RBBP8: variants seen among roughly 807,000 people sequenced by gnomAD.
RBBP8 encodes RB binding protein 8, endonuclease.
A neutral mutation model predicts 108.3 loss-of-function variants in RBBP8; 88 were observed. That is an observed-to-expected ratio of 0.81 (90% CI 0.68 to 0.97). The LOEUF is 0.97. Ranked by LOEUF, RBBP8 falls within the 50% of genes least tolerant of loss-of-function variation. The pLI is 0.00. For missense variants in RBBP8, 1,023 were observed against 1,049.0 expected (o/e 0.98, Z 0.34); for synonymous variants, 332 against 348.2 (o/e 0.95, Z 0.52).
intron 2 of RBBP8, among the ~76,000 whole-genome samples, chr18:22,940,802 G>A (rs980329453): frequency 1.5e-4 from 23 of 151,292 alleles, no homozygotes; most frequent in Admixed American, 1.2e-3. Flanking sequence ...ATGCACCACC[G>A]AACCTGGCTA....
intron 18 of RBBP8, among the ~76,000 whole-genome samples, chr18:23,022,602 A>AAAAATAAAATAAAATAAAATAAT (rs2046364529): frequency 2.2e-5 from 2 of 92,380 alleles, no homozygotes; most frequent in African/African-American, 9.0e-5. Flanking sequence ...ACTCTGTCTC[A>AAAAATAAAATAAAATAAAATAAT]AAAATAAAAT....
At chr18:22,955,579 C>CT (rs746128314) in intron 4 of RBBP8, among the ~76,000 whole-genome samples, 34,574 of 140,162 alleles carry the variant, frequency 0.25, 4,475 homozygotes, top group East Asian at 0.44. Flanking sequence ...AGGTTTATAT[C>CT]TTTTTTTTTT....
chr18:23,022,641 T>TAAAATAAATAAAATAAAATAAAA (rs1568010219), intron 18 of RBBP8, among the ~76,000 whole-genome samples: 1 of 46,218 alleles, frequency 2.2e-5, no homozygotes, highest in Admixed American at 1.9e-4. Flanking sequence ...ATAAAATAAA[T>TAAAATAAATAAAATAAAATAAAA]AAAATACAAT....
intron 4 of RBBP8, among the ~76,000 whole-genome samples, chr18:22,953,610 C>G (rs1446676499): frequency 6.6e-6 from 1 of 152,072 alleles, no homozygotes; most frequent in Non-Finnish European, 1.5e-5. Flanking sequence ...GTTCTGGTAA[C>G]CTTTGCAGTC....
chr18:22,992,554 A>G (rs1013612859), intron 10 of RBBP8, among the ~76,000 whole-genome samples, 194 bp from the exon 11 acceptor site: 7 of 152,224 alleles, frequency 4.6e-5, no homozygotes, highest in Non-Finnish European at 1.0e-4. Context: ...TTTTTAAAAT[A>G]TGAATATTAT....
At chr18:22,929,552 A>ATG (rs1555630950), upstream of RBBP8, 1 of 98,270 alleles carries the variant, frequency 1.0e-5, no homozygotes, top group East Asian at 3.2e-4. Context: ...GTGTGTGTGT[A>ATG]TGTGTGTGTG....
At chr18:22,939,384 T>C (rs1168782746) in intron 2 of RBBP8, among the ~76,000 whole-genome samples, 1 of 152,132 alleles carries the variant, frequency 6.6e-6, no homozygotes, top group Non-Finnish European at 1.5e-5. Context: ...TGCGCACCTG[T>C]AATCCCCGCT....
chr18:22,952,621 C>T (rs1213972363), intron 4 of RBBP8, among the ~76,000 whole-genome samples: 1 of 152,102 alleles, frequency 6.6e-6, no homozygotes. Flanking sequence ...ATAACACAGC[C>T]ATGTCTAGGC....
At chr18:22,984,851 T>G in intron 7 of RBBP8, 35 bp from the exon 8 acceptor site, 1 of 1,216,174 alleles carries the variant, frequency 8.2e-7, no homozygotes, top group Non-Finnish European at 1.2e-6. Flanking sequence ...TCATCATTGT[T>G]TATTGTGTAA....
At chr18:22,940,839 C>T (rs530532883) in intron 2 of RBBP8, among the ~76,000 whole-genome samples, 1 of 151,754 alleles carries the variant, frequency 6.6e-6, no homozygotes, top group South Asian at 2.1e-4. Flanking sequence ...AGACAGGGAT[C>T]TCATTTTGTT....
chr18:23,011,585 C>T (rs1259693903), intron 16 of RBBP8, among the ~76,000 whole-genome samples: 1 of 151,772 alleles, frequency 6.6e-6, no homozygotes, highest in Non-Finnish European at 1.5e-5. Flanking sequence ...TACAAGTGCC[C>T]GCCACCACGC....
At position 22,989,213 on chromosome 18, in the gene RBBP8, A is replaced by G; in HGVS notation, c.710-8A>G. On this transcript the variant is annotated splice_region_variant and splice_polypyrimidine_tract_variant and intron_variant, in intron 8 of 18. Coordinates refer to ENST00000327155, the MANE Select transcript of RBBP8 (RefSeq NM_002894.3). ...TATTTATTAAAATGGTTTATTATTT[A>G]TTCTTAGAAGCACATGGAACAAGCA... 6.3e-7 allele frequency: 1 copy of G among 1,579,590 alleles called. No homozygotes were observed. Among genetic ancestry groups the G allele is most frequent in the Non-Finnish European group, 8.7e-7 (1 of 1,150,034 alleles).
intron 12 of RBBP8, among the ~76,000 whole-genome samples, chr18:22,994,922 C>T (rs1044921085): frequency 6.6e-5 from 10 of 151,910 alleles, no homozygotes; most frequent in Admixed American, 5.3e-4. Context: ...GACTGGGTTT[C>T]GCCTTGTTGC....
intron 3 of RBBP8, among the ~76,000 whole-genome samples, chr18:22,948,163 A>C (rs1438268566): frequency 6.6e-6 from 1 of 152,066 alleles, no homozygotes; most frequent in Non-Finnish European, 1.5e-5. Flanking sequence ...AATGTGTGTA[A>C]ATTTTCAATG....
intron 4 of RBBP8, among the ~76,000 whole-genome samples, chr18:22,952,755 T>C (rs1912150509): frequency 1.3e-5 from 2 of 152,164 alleles, no homozygotes; most frequent in Admixed American, 1.3e-4. Context: ...CCTTCTGTTT[T>C]CTCTGGATAT....
chr18:22,929,379 A>C (rs1395872979), upstream of RBBP8: 5 of 149,148 alleles, frequency 3.4e-5, no homozygotes, highest in Admixed American at 6.6e-5. Context: ...TTTTTTTTTT[A>C]AAGGAGGATA....
intron 16 of RBBP8, among the ~76,000 whole-genome samples, chr18:23,010,267 C>T (rs1461772697): frequency 1.3e-5 from 2 of 152,052 alleles, no homozygotes; most frequent in Non-Finnish European, 2.9e-5. Context: ...CATATTTTTG[C>T]CTGTAGATCA....
chr18:22,990,104 T>G (rs1345738864), intron 9 of RBBP8, among the ~76,000 whole-genome samples: 1 of 152,234 alleles, frequency 6.6e-6, no homozygotes, highest in African/African-American at 2.4e-5. Flanking sequence ...CTTTGAACTT[T>G]GAATGTGTTT....
rs561516318 is a variant in RBBP8, at chr18:22,933,414, T to C, written c.-249T>C. 1.9e-5 allele frequency: 3 copies of C among 153,898 alleles called. No individual in the cohort carries two copies. Among genetic ancestry groups the C allele is most frequent in the East Asian group, 2.0e-4 (1 of 5,114 alleles). 9.5% of individuals were successfully genotyped at this position (153,898 alleles called of 1,614,324 possible). On this transcript the variant is annotated 5_prime_UTR_variant, in exon 1 of 19. Transcript: ENST00000327155. ...GCCCCCGGCCTTAAAGCGCGGGCTG[T>C]CCGGAGGGGTCGGCTTTCCCACCGA...
Sources: gnomAD v4.1 joint callset for allele counts (sites outside exome capture counted in the v4.1 genomes callset) on GRCh38, gnomAD v4.1.1 for gene constraint, MANE v1.5 for transcripts, NCBI Gene and HGNC (gene_info 2026-07-23, HGNC 2026-07-21) for gene names.